PDE3B: variants seen among roughly 807,000 people sequenced by gnomAD.
PDE3B encodes the protein phosphodiesterase 3B.
Under a neutral mutation model 116.8 loss-of-function variants are expected in PDE3B, and 66 were observed. The observed-to-expected ratio is 0.56, with a 90% CI of 0.46 to 0.69. PDE3B has a LOEUF of 0.69. Ranked by LOEUF, PDE3B falls within the 30% of genes least tolerant of loss-of-function variation. The pLI is 0.00. For missense variants in PDE3B, 1,384 were observed against 1,368.1 expected, an observed-to-expected ratio of 1.01 and a Z score of -0.18; for synonymous variants, 595 against 533.6, an observed-to-expected ratio of 1.12 and a Z score of -1.59.
intron 1 of PDE3B, among the ~76,000 whole-genome samples, chr11:14,700,075 G>A (rs1855320388): frequency 6.6e-6 from 1 of 151,656 alleles, no homozygotes; most frequent in African/African-American, 2.4e-5. Context: ...CTTAAAAATT[G>A]GAGTTAAAGT....
the PDE3B span, among the ~76,000 whole-genome samples, chr11:14,883,962 A>C: frequency 6.6e-6 from 1 of 152,088 alleles, no homozygotes; most frequent in Non-Finnish European, 1.5e-5. Flanking sequence ...AGAGAAATGC[A>C]AATCAAAACC....
At chr11:14,891,116 GGA>G in the PDE3B span, 86 of 985,294 alleles carry the variant, frequency 8.7e-5, no homozygotes, top group Non-Finnish European at 1.0e-4. Flanking sequence ...CAGGACCCGT[GGA>G]AACTCCTGCC....
intron 9 of PDE3B, 87 bp from the exon 10 acceptor site, chr11:14,832,635 C>T (rs911286971): frequency 1.8e-6 from 1 of 553,046 alleles, no homozygotes; most frequent in African/African-American, 2.0e-5. Context: ...GGTTAACATT[C>T]CAGAATACAA....
chr11:14,678,942 TGTTAA>T (rs1328598416), intron 1 of PDE3B, among the ~76,000 whole-genome samples: 1 of 152,166 alleles, frequency 6.6e-6, no homozygotes, highest in Non-Finnish European at 1.5e-5. Context: ...TTGTATAAAG[TGTTAA>T]GTTTAGGTTT....
chr11:14,668,892 C>A (rs1854275731), intron 1 of PDE3B, among the ~76,000 whole-genome samples: 1 of 152,146 alleles, frequency 6.6e-6, no homozygotes, highest in South Asian at 2.1e-4. Context: ...TTGTCTCGGA[C>A]TGAGATCACA....
chr11:14,778,932 T>A (rs993089744), intron 2 of PDE3B, among the ~76,000 whole-genome samples: 1 of 152,098 alleles, frequency 6.6e-6, no homozygotes, highest in African/African-American at 2.4e-5. Flanking sequence ...TGAAAAAAGA[T>A]TAGACGAATG....
intron 1 of PDE3B, among the ~76,000 whole-genome samples, chr11:14,690,787 A>G (rs1037117132): frequency 3.3e-5 from 5 of 152,142 alleles, no homozygotes; most frequent in African/African-American, 1.2e-4. Context: ...GCATTTGGCA[A>G]TTCAGGGATT....
intron 12 of PDE3B, among the ~76,000 whole-genome samples, chr11:14,847,245 G>A (rs1847628473): frequency 6.6e-6 from 1 of 151,642 alleles, no homozygotes; most frequent in South Asian, 2.1e-4. Context: ...TGACTACTGG[G>A]TACATAATGA....
At chr11:14,863,829 G>A (rs781833174) in intron 14 of PDE3B, among the ~76,000 whole-genome samples, 3 of 152,140 alleles carry the variant, frequency 2.0e-5, no homozygotes, top group African/African-American at 4.8e-5. Flanking sequence ...AGGAAAAACC[G>A]ATAACAGCCA....
Position 14,644,211 on chromosome 11 carries a change from G to GGCTTCTTCTTCCACCTCTGCC in PDE3B, c.143_163dup (p.Phe48_Phe54dup). The stretch of plus-strand genomic sequence containing the variant: ...CCCCTTGCGGCAGGACCCTCCGCGC[G>GGCTTCTTCTTCCACCTCTGCC]GCTTCTTCTTCCACCTCTGCCGCTT... On this transcript the variant is annotated inframe_insertion, in exon 1 of 16. Coordinates refer to ENST00000282096, the MANE Select transcript of PDE3B (RefSeq NM_000922.4). The GGCTTCTTCTTCCACCTCTGCC allele has an allele frequency of 6.3e-7, 1 of 1,594,208 alleles. No homozygotes were observed. Among genetic ancestry groups the GGCTTCTTCTTCCACCTCTGCC allele is most frequent in the South Asian group, 1.1e-5 (1 of 89,862 alleles).
intron 7 of PDE3B, among the ~76,000 whole-genome samples, chr11:14,825,620 G>A (rs1279346350): frequency 6.6e-6 from 1 of 152,174 alleles, no homozygotes; most frequent in Non-Finnish European, 1.5e-5. Flanking sequence ...CAACACAGGA[G>A]TACCCAGATT....
intron 5 of PDE3B, among the ~76,000 whole-genome samples, 182 bp from the exon 6 acceptor site, chr11:14,818,001 G>A (rs1411280777): frequency 6.6e-6 from 1 of 152,010 alleles, no homozygotes; most frequent in Middle Eastern, 3.2e-3. Flanking sequence ...TGACAAATAT[G>A]GCAAATATTG....
chr11:14,646,586 T>G (rs886377880), intron 1 of PDE3B, among the ~76,000 whole-genome samples: 2 of 152,188 alleles, frequency 1.3e-5, no homozygotes, highest in Admixed American at 6.5e-5. Flanking sequence ...GTGAACAAAT[T>G]GCATTTTTTA....
chr11:14,835,067 C>A lies in PDE3B; in HGVS notation c.2292C>A (p.His764Gln). 1 of 1,611,386 alleles carries A rather than the reference C, an allele frequency of 6.2e-7. No homozygotes were observed. Reference sequence around the variant, plus strand: ...CAGTTCCTGGCTTACAGCAGATCCACAATGGTTGTGGAACAGGAAATGAAA... The same window carrying A: ...CAGTTCCTGGCTTACAGCAGATCCAAAATGGTTGTGGAACAGGAAATGAAA... ...TRPVPGLQQIHNGCGTGNETD... is the reference protein window; with the variant it reads ...TRPVPGLQQIQNGCGTGNETD... Residue 764 changes from histidine to glutamine, a missense_variant, in exon 11 of 16, where the codon CAC becomes CAA. Physicochemically the swap from His to Gln is conservative, Grantham distance 24. Around this residue, in one of 2 missense-constraint regions of PDE3B, gnomAD observed 428 missense variants for 561.4 expected, o/e 0.76. Transcript: ENST00000282096.
intron 1 of PDE3B, among the ~76,000 whole-genome samples, chr11:14,654,720 G>C (rs1420745731): frequency 1.3e-5 from 2 of 151,308 alleles, no homozygotes. Context: ...ATGTTAAAAA[G>C]TTATATTTCA....
chr11:14,756,781 A>G (rs1354130490), intron 1 of PDE3B, among the ~76,000 whole-genome samples: 1 of 146,756 alleles, frequency 6.8e-6, no homozygotes, highest in Non-Finnish European at 1.5e-5. Flanking sequence ...ACTGACACAC[A>G]AGATATCATT....
In PDE3B at chr11:14,859,054, C is replaced by G; in HGVS notation, c.2532C>G (p.Tyr844Ter). Residue 844 changes from tyrosine to a stop codon, truncating the protein, a stop_gained, in exon 13 of 16, where the codon TAC (tyrosine) becomes TAG (stop). Coordinates refer to ENST00000282096, the MANE Select transcript of PDE3B (RefSeq NM_000922.4). LOFTEE classifies it high-confidence loss of function. ...ATATTTCTTTTTAGGCAGTTTTATACAATGACAGATCTGTTCTGGAAAATC... is the reference window on the plus strand; with the variant it reads ...ATATTTCTTTTTAGGCAGTTTTATAGAATGACAGATCTGTTCTGGAAAATC... ...VATNAPQAVL[Y>*]NDRSVLENHH... is the part of the protein sequence containing the mutation. 6.2e-7 allele frequency: 1 copy of G among 1,610,816 alleles called. No homozygotes were observed. The highest frequency in any genetic ancestry group is 8.5e-7 in the Non-Finnish European group (1 of 1,178,280).
At chr11:14,786,315 T>C (rs1858193296) in intron 2 of PDE3B, 122 bp from the exon 3 acceptor site, 2 of 672,362 alleles carry the variant, frequency 3.0e-6, no homozygotes, top group African/African-American at 1.9e-5. Flanking sequence ...AAGAAAAAAA[T>C]TAAAGTTCAC....
chr11:14,779,871 G>C (rs1857923296), intron 2 of PDE3B, among the ~76,000 whole-genome samples: 1 of 151,954 alleles, frequency 6.6e-6, no homozygotes, highest in African/African-American at 2.4e-5. Context: ...GACACAGACT[G>C]GCAAATTGGA....
Sources: gnomAD v4.1 joint callset for allele counts (sites outside exome capture counted in the v4.1 genomes callset) on GRCh38, gnomAD v4.1.1 for gene constraint, gnomAD v4.1.1 regional missense constraint, MANE v1.5 for transcripts, NCBI Gene and HGNC (gene_info 2026-07-23, HGNC 2026-07-21) for gene names.